MAN2C1: variants seen among roughly 807,000 people sequenced by gnomAD.
MAN2C1 encodes mannosidase alpha class 2C member 1.
In MAN2C1, 111 loss-of-function variants were observed where a neutral mutation model predicts 126.9. The ratio of observed to expected loss-of-function variants is 0.87; its 90% confidence interval spans 0.75 to 1.02. The LOEUF is 1.02. Among genes scored for constraint, MAN2C1 ranks in the 50% least tolerant of loss-of-function variants. The pLI is 0.00. For missense variants in MAN2C1, 1,363 were observed against 1,364.4 expected (o/e 1.00, Z 0.02); for synonymous variants, 567 against 561.5 (o/e 1.01, Z -0.14).
chr15:75,367,380 C>T, intron 3 of MAN2C1, 131 bp downstream of exon 3: 1 of 1,218,244 alleles, frequency 8.2e-7, no homozygotes, highest in Non-Finnish European at 1.1e-6. Context: ...CTTCCCTAGT[C>T]CTGAAATCCT....
rs914869076 is a variant in MAN2C1, at chr15:75,364,363, C to T, written c.600+125G>A. On this transcript the variant is annotated intron_variant, in intron 5 of 25. Coordinates refer to ENST00000267978, the MANE Select transcript of MAN2C1 (RefSeq NM_006715.4). The stretch of plus-strand genomic sequence containing the variant: ...CTTCACATAGGAAAATTCTCTCAAC[C>T]CTCAAGCAGGTGGAAACCCTCGTCC... The T allele has an allele frequency of 5.4e-6, 7 of 1,293,040 alleles. No homozygotes were observed. The East Asian group carries it at 1.8e-4, about 33-fold the overall frequency. 80.1% of individuals were successfully genotyped at this position (1,293,040 alleles called of 1,614,324 possible).
rs2072504930 is a variant in MAN2C1, at chr15:75,362,941, C to G, written c.791-193G>C. The G allele has an allele frequency of 1.7e-6, 1 of 589,552 alleles. No individual in the cohort carries two copies. Among genetic ancestry groups the G allele is most frequent in the Non-Finnish European group, 3.0e-6 (1 of 329,878 alleles). 36.5% of individuals were successfully genotyped at this position (589,552 alleles called of 1,614,324 possible). ...AGGAGGGGCTGGGGAAAGGAGGCGG[C>G]AGTGCTATGAGGCCAATTATACAGG... On this transcript the variant is annotated intron_variant, in intron 6 of 25. Coordinates refer to ENST00000267978, the MANE Select transcript of MAN2C1 (RefSeq NM_006715.4). The surrounding 1 kb of genome is among the most constrained non-coding windows in gnomAD (Gnocchi z 4.5).
At position 75,364,127 on chromosome 15, in the gene MAN2C1, T is replaced by C. The variant is rs2072529928; in HGVS notation, c.662A>G (p.Asn221Ser). 1 of 1,614,152 alleles carries C rather than the reference T, an allele frequency of 6.2e-7. No homozygotes were observed. Among genetic ancestry groups the C allele is most frequent in the Admixed American group, 1.7e-5 (1 of 60,008 alleles). Residue 221 changes from asparagine to serine, a missense_variant, in exon 6 of 26, where the codon AAC (asparagine) becomes AGC (serine). Physicochemically the swap from Asn to Ser is conservative, Grantham distance 46. This residue lies in a region of MAN2C1 where 628 missense variants were observed against 609.8 expected (regional missense o/e 1.03). Transcript: ENST00000267978. ...CTCGGGCTGGGCAGGGTCACACACGTTCACCATCTGATTGGCTGTGTACAG... is the reference window on the plus strand; with the variant it reads ...CTCGGGCTGGGCAGGGTCACACACGCTCACCATCTGATTGGCTGTGTACAG... Reference protein sequence around the residue: ...QALYTANQMVNVCDPAQPETF... With the variant: ...QALYTANQMVSVCDPAQPETF...
Position 75,360,661 on chromosome 15 carries a change from G to A in MAN2C1, c.1488C>T (p.Leu496=). The change falls in exon 13 of 26, where the codon CTC becomes CTT. Residue 496 remains leucine, a synonymous_variant. Transcript: ENST00000267978. ...PRVQLSSPRQ[L]FSALESDSEQ... is the part of the protein sequence containing the mutation. ...CTGAGTCACTCTCCAGTGCTGAGAA[G>A]AGCTGTCTTGGAGAAGATAGCTGCA... The A allele has an allele frequency of 1.2e-6, 2 of 1,613,826 alleles. No homozygotes were observed. The highest frequency in any genetic ancestry group is 8.5e-7 in the Non-Finnish European group (1 of 1,179,990).
At chr15:75,367,732 A>C in intron 2 of MAN2C1, 98 bp from the exon 3 acceptor site, 1 of 1,456,734 alleles carries the variant, frequency 6.9e-7, no homozygotes, top group Non-Finnish European at 9.4e-7. Context: ...CTCTCCAAGC[A>C]TCTGCAGTGT....
Position 75,358,298 on chromosome 15 carries a change from G to C in MAN2C1, c.2450C>G (p.Ala817Gly). ...AHKFLKVEFP[A>G]RVRSSQATYE... Reference sequence around the variant, plus strand: ...GGTGGCCTGGGAACTCCGCACGCGAGCAGGGAACTCCACCTTCAGGAACTT... The same window carrying C: ...GGTGGCCTGGGAACTCCGCACGCGACCAGGGAACTCCACCTTCAGGAACTT... Residue 817 changes from alanine to glycine, a missense_variant, in exon 21 of 26, where the codon GCT becomes GGT. Around this residue, in one of 3 missense-constraint regions of MAN2C1, gnomAD observed 668 missense variants for 650.1 expected, o/e 1.03. Coordinates refer to ENST00000267978, the MANE Select transcript of MAN2C1 (RefSeq NM_006715.4). The C allele has an allele frequency of 6.2e-7, 1 of 1,614,180 alleles. No homozygotes were observed. Among genetic ancestry groups the C allele is most frequent in the Non-Finnish European group, 8.5e-7 (1 of 1,180,026 alleles).
Position 75,358,606 on chromosome 15 carries a change from C to A in MAN2C1, c.2259G>T (p.Leu753=). 6.2e-7 allele frequency: 1 copy of A among 1,613,374 alleles called. No individual in the cohort carries two copies. Among genetic ancestry groups the A allele is most frequent in the Non-Finnish European group, 8.5e-7 (1 of 1,179,944 alleles). The change falls in exon 20 of 26, where the codon CTG becomes CTT. Residue 753 remains leucine, a synonymous_variant. Transcript: ENST00000267978. The part of the protein sequence containing the change: ...DYHLETRKPV[L]GQAGTLAVGT... ...CCACTGCCAGGGTCCCTGCCTGGCC[C>A]AGCACAGGCTTCCTATGGGACAGGG...
rs774630337 is a variant in MAN2C1, at chr15:75,356,146, C to T, written c.2960G>A (p.Trp987Ter). 1.2e-6 allele frequency: 2 copies of T among 1,613,640 alleles called. No homozygotes were observed. Among genetic ancestry groups the T allele is most frequent in the Non-Finnish European group, 1.7e-6 (2 of 1,180,006 alleles). Residue 987 changes from tryptophan to a stop codon, truncating the protein, a stop_gained, in exon 25 of 26, where the codon TGG becomes TAG. Coordinates refer to ENST00000267978, the MANE Select transcript of MAN2C1 (RefSeq NM_006715.4). LOFTEE classifies it high-confidence loss of function. This position sits in a 1 kb window ranked among gnomAD's most constrained non-coding sequence, Gnocchi z 5.8. ...YEAHGSHVDC[W>*]LHLSLPVQEA... is the part of the protein sequence containing the mutation. Reference sequence around the variant, plus strand: ...CTGAACCGGCAGCGACAAGTGCAGCCAGCAGTCCACGTGGCTGCCGTGGGC... The same window carrying T: ...CTGAACCGGCAGCGACAAGTGCAGCTAGCAGTCCACGTGGCTGCCGTGGGC...
chr15:75,359,368 T>C lies in MAN2C1; in HGVS notation c.2006A>G (p.Gln669Arg). 1 of 1,605,428 alleles carries C rather than the reference T, an allele frequency of 6.2e-7. No individual in the cohort carries two copies. The highest frequency in any genetic ancestry group is 8.5e-7 in the Non-Finnish European group (1 of 1,176,250). ...YAPVPPPTSL[Q>R]PLLPQQPVFV... is the part of the protein sequence containing the mutation. ...CACAGGCTGCTGGGGCAGCAGGGGCTGCAGTGAGGTGGGGGGAGGAACAGG... is the reference window on the plus strand; with the variant it reads ...CACAGGCTGCTGGGGCAGCAGGGGCCGCAGTGAGGTGGGGGGAGGAACAGG... The change falls in exon 17 of 26, where the codon CAG becomes CGG. Residue 669 changes from glutamine to arginine, a missense_variant. Gln to Arg is a conservative substitution (Grantham distance 43). Transcript: ENST00000267978.
At position 75,360,889 on chromosome 15, in the gene MAN2C1, C is replaced by T. The variant is rs567893947; in HGVS notation, c.1460+157G>A. On this transcript the variant is annotated intron_variant, in intron 12 of 25. Coordinates refer to ENST00000267978, the MANE Select transcript of MAN2C1 (RefSeq NM_006715.4). ...GCCCTTACCAGCTTCAGCTTCTCCC[C>T]CACCCACCCCCAGGGTGGAAGTTTG... 1,621 of 1,199,472 alleles carry T rather than the reference C, an allele frequency of 1.4e-3. 2 individuals are homozygous for T. Among genetic ancestry groups the T allele is most frequent in the Non-Finnish European group, 1.5e-3 (1,297 of 879,076 alleles). 74.3% of individuals were successfully genotyped at this position (1,199,472 alleles called of 1,614,324 possible).
chr15:75,356,411 T>C lies in MAN2C1; in HGVS notation c.2776A>G (p.Ser926Gly). ...QDAGVIQAAY[S>G]LNFPLLALPA... Reference sequence around the variant, plus strand: ...AGAGCCAACAGGGGGAAGTTTAGGCTGTAGGCAGCTTGGATAACGCCAGCA... The same window carrying C: ...AGAGCCAACAGGGGGAAGTTTAGGCCGTAGGCAGCTTGGATAACGCCAGCA... The change falls in exon 24 of 26, where the codon AGC becomes GGC. Residue 926 changes from serine to glycine, a missense_variant. Physicochemically the swap from Ser to Gly is moderately conservative, Grantham distance 56. Coordinates refer to ENST00000267978, the MANE Select transcript of MAN2C1 (RefSeq NM_006715.4). This position sits in a 1 kb window ranked among gnomAD's most constrained non-coding sequence, Gnocchi z 5.8. 4 of 1,609,266 alleles carry C rather than the reference T, an allele frequency of 2.5e-6. No homozygotes were observed. The highest frequency in any genetic ancestry group is 3.4e-6 in the Non-Finnish European group (4 of 1,178,314).
At chr15:75,357,813 G>C (rs2072366622) in intron 21 of MAN2C1, 1 of 200,124 alleles carries the variant, frequency 5.0e-6, no homozygotes, top group South Asian at 9.3e-5. Context: ...TAGAGACAGG[G>C]TTTCATCGTG....
intron 21 of MAN2C1, chr15:75,357,617 ATTT>A (rs969353659): frequency 1.2e-4 from 12 of 103,524 alleles, no homozygotes; most frequent in South Asian, 3.1e-4. Context: ...CAATTTTTGT[ATTT>A]TTTTTTTTTT....
intron 21 of MAN2C1, 84 bp downstream of exon 21, chr15:75,358,117 C>T: frequency 1.3e-6 from 2 of 1,523,078 alleles, no homozygotes; most frequent in Non-Finnish European, 1.8e-6. Flanking sequence ...GTTGATTATC[C>T]TCTTCCTCCC....
Position 75,364,180 on chromosome 15 carries a change from C to G in MAN2C1, c.609G>C (p.Gly203=). ...CCTGGAAGCTGCGCTGGTTGTCCTT[C>G]CCGAGGCCCTGCAGCAGGGTTCTGC... The part of the protein sequence containing the change: ...ELLLGIAKGL[G]KDNQRSFQAL... The change falls in exon 6 of 26, where the codon GGG becomes GGC. Residue 203 remains glycine, a synonymous_variant. Transcript: ENST00000267978. 1 of 1,609,812 alleles carries G rather than the reference C, an allele frequency of 6.2e-7. No individual in the cohort carries two copies. The highest frequency in any genetic ancestry group is 8.5e-7 in the Non-Finnish European group (1 of 1,178,486).
rs754722799 is a variant in MAN2C1, at chr15:75,361,196, A to G, written c.1315-5T>C. On this transcript the variant is annotated splice_polypyrimidine_tract_variant and splice_region_variant and intron_variant, in intron 11 of 25. Transcript: ENST00000267978. This position sits in a 1 kb window ranked among gnomAD's most constrained non-coding sequence, Gnocchi z 5.0. ...GTTGGCCACGGTCTTCAGCACCTAG[A>G]CAGGTGAGGGCAGGCCAGCATGGAT... 1 of 1,611,080 alleles carries G rather than the reference A, an allele frequency of 6.2e-7. No homozygotes were observed. Among genetic ancestry groups the G allele is most frequent in the South Asian group, 1.1e-5 (1 of 90,322 alleles).
At position 75,364,468 on chromosome 15, in the gene MAN2C1, G is replaced by T; in HGVS notation, c.600+20C>A. On this transcript the variant is annotated intron_variant, in intron 5 of 25. Coordinates refer to ENST00000267978, the MANE Select transcript of MAN2C1 (RefSeq NM_006715.4). Reference sequence around the variant, plus strand: ...GCAGGGCTCTAGAGGGTAGCAGGGGGTACAGGGGGTGTCAAGTACCTTGGC... The same window carrying T: ...GCAGGGCTCTAGAGGGTAGCAGGGGTTACAGGGGGTGTCAAGTACCTTGGC... 6.4e-7 allele frequency: 1 copy of T among 1,560,254 alleles called. No homozygotes were observed. The highest frequency in any genetic ancestry group is 8.7e-7 in the Non-Finnish European group (1 of 1,151,602).
At chr15:75,360,311 G>A in intron 13 of MAN2C1, 100 bp from the exon 14 acceptor site, 2 of 1,520,780 alleles carry the variant, frequency 1.3e-6, no homozygotes, top group South Asian at 1.2e-5. Flanking sequence ...ACTCACCAAG[G>A]GCCTCGTGGA....
Position 75,358,539 on chromosome 15 carries a change from G to A in MAN2C1, c.2326C>T (p.Gln776Ter), listed in dbSNP as rs1336412445. The A allele has an allele frequency of 6.2e-7, 1 of 1,613,474 alleles. No individual in the cohort carries two copies. The highest frequency in any genetic ancestry group is 8.5e-7 in the Non-Finnish European group (1 of 1,180,020). The stretch of plus-strand genomic sequence containing the variant: ...CTAAGCCGACTGTTGGGGCTGATCT[G>A]TAGCAAGAACCAGGCGCTGCCCCGC... ...GLRGSAWFLL[Q>*]ISPNSRLSQE... The change falls in exon 20 of 26, where the codon CAG becomes TAG. Residue 776 changes from glutamine to a stop codon, truncating the protein, a stop_gained. Coordinates refer to ENST00000267978, the MANE Select transcript of MAN2C1 (RefSeq NM_006715.4). LOFTEE classifies it high-confidence loss of function.
Sources: allele counts gnomAD v4.1 joint callset, GRCh38; gene constraint gnomAD v4.1.1; regional missense constraint gnomAD v4.1.1; non-coding constraint Gnocchi (gnomAD v3.1); transcripts MANE v1.5; gene names NCBI Gene and HGNC (gene_info 2026-07-23, HGNC 2026-07-21).